Variants in TRPM3 observed in about 807,000 individuals in gnomAD.
TRPM3 encodes transient receptor potential cation channel subfamily M member 3, also known as long transient receptor potential channel 3.
In TRPM3, 77 loss-of-function variants were observed where a neutral mutation model predicts 181.2. The observed-to-expected ratio is 0.42, with a 90% CI of 0.35 to 0.51. TRPM3 has a LOEUF of 0.51. Among genes scored for constraint, TRPM3 ranks in the 20% least tolerant of loss-of-function variants. TRPM3 has a pLI of 0.01. For synonymous variants in TRPM3, 745 were observed against 796.4 expected, an observed-to-expected ratio of 0.94 and a Z score of 1.09; for missense variants, 1,759 against 2,196.7, an observed-to-expected ratio of 0.80 and a Z score of 3.98.
chr9:71,126,832 G>A (rs1033453338), intron 1 of TRPM3, among the ~76,000 whole-genome samples: 7 of 152,164 alleles, frequency 4.6e-5, no homozygotes, highest in African/African-American at 1.4e-4. Flanking sequence ...GAGAGTGGGT[G>A]AGTTTTTCAG....
At chr9:71,135,790 A>C (rs578139382) in intron 1 of TRPM3, among the ~76,000 whole-genome samples, 286 of 152,164 alleles carry the variant, frequency 1.9e-3, no homozygotes, top group African/African-American at 6.3e-3. Context: ...GGCAAAAAAA[A>C]CCCCCAGCAA....
At chr9:71,188,216 C>G (rs774289133) in intron 1 of TRPM3, among the ~76,000 whole-genome samples, 3 of 151,864 alleles carry the variant, frequency 2.0e-5, no homozygotes, top group Middle Eastern at 3.2e-3. Flanking sequence ...AAAGACTGCA[C>G]CAATTTATAC....
At chr9:71,381,999 T>C (rs1346737716) in intron 1 of TRPM3, among the ~76,000 whole-genome samples, 2 of 152,120 alleles carry the variant, frequency 1.3e-5, no homozygotes, top group African/African-American at 2.4e-5. Context: ...CTGTATACTG[T>C]GGTATATGCC....
intron 1 of TRPM3, among the ~76,000 whole-genome samples, chr9:70,871,229 A>G (rs1186235315): frequency 6.6e-6 from 1 of 151,994 alleles, no homozygotes; most frequent in Non-Finnish European, 1.5e-5. Context: ...CTGTGAGACT[A>G]AATAAATTGA....
chr9:70,943,253 C>T (rs938098643), intron 1 of TRPM3, among the ~76,000 whole-genome samples: 4 of 152,082 alleles, frequency 2.6e-5, no homozygotes, highest in Non-Finnish European at 5.9e-5. Flanking sequence ...TGTATAGAAC[C>T]TTCTACACAG....
chr9:70,827,997 T>C lies in TRPM3; in HGVS notation c.823A>G (p.Met275Val), dbSNP rs1335781720. The C allele has an allele frequency of 1.9e-6, 3 of 1,613,642 alleles. No individual in the cohort carries two copies. Among genetic ancestry groups the C allele is most frequent in the East Asian group, 2.2e-5 (1 of 44,870 alleles). ...GTGAGCTTGCTCATGGGATTGGACA[T>C]GGTCTGGTATGGCCGGACAACCTGC... ...GRDVVRPYQT[M>V]SNPMSKLTVL... The change falls in exon 6 of 26, where the codon ATG (methionine) becomes GTG (valine). Residue 275 changes from methionine (M) to valine (V), a missense_variant. Met to Val is a conservative substitution (Grantham distance 21). Around this residue, in one of 8 missense-constraint regions of TRPM3, gnomAD observed 737 missense variants for 957.4 expected, o/e 0.77. Transcript: ENST00000677713.
At chr9:71,162,490 C>G (rs972876247) in intron 1 of TRPM3, among the ~76,000 whole-genome samples, 4 of 151,916 alleles carry the variant, frequency 2.6e-5, no homozygotes, top group Non-Finnish European at 5.9e-5. Flanking sequence ...AATGGGTATA[C>G]TTTATTTTAC....
At chr9:70,806,996 C>G (rs1005376298) in intron 6 of TRPM3, among the ~76,000 whole-genome samples, 2 of 152,150 alleles carry the variant, frequency 1.3e-5, no homozygotes, top group African/African-American at 4.8e-5. Context: ...TCTTTAAGAT[C>G]CCCAGGGAAT....
rs187564106 is a variant in TRPM3 at position 70,902,691 on chromosome 9, C to T, written c.178-38180G>A. 2.8e-3 allele frequency among the ~76,000 whole-genome samples: 419 copies of T among 152,250 alleles called. 3 individuals are homozygous for T. Among genetic ancestry groups the T allele is most frequent in the African/African-American group, 9.4e-3 (392 of 41,538 alleles). On this transcript the variant is annotated intron_variant, in intron 1 of 25. Transcript: ENST00000677713. ...TTAGTTCTTAAGGACATATCCAGTCCCAGGCACTGCATTAGGTACTGGGGA... is the reference window on the plus strand; with the variant it reads ...TTAGTTCTTAAGGACATATCCAGTCTCAGGCACTGCATTAGGTACTGGGGA...
chr9:71,051,855 G>T (rs1056813993), intron 1 of TRPM3, among the ~76,000 whole-genome samples: 2 of 152,058 alleles, frequency 1.3e-5, no homozygotes, highest in Non-Finnish European at 2.9e-5. Context: ...TCTGAAATCA[G>T]AATAGCCCAG....
At chr9:71,340,327 T>C (rs1354209219) in intron 1 of TRPM3, among the ~76,000 whole-genome samples, 1 of 152,024 alleles carries the variant, frequency 6.6e-6, no homozygotes, top group African/African-American at 2.4e-5. Context: ...AATACAGAGA[T>C]CAGTATGTGT....
intron 1 of TRPM3, among the ~76,000 whole-genome samples, chr9:71,107,849 C>T (rs929236799): frequency 1.3e-5 from 2 of 152,022 alleles, no homozygotes; most frequent in African/African-American, 2.4e-5. Context: ...ATTTTTTACC[C>T]CATATTTAGT....
intron 1 of TRPM3, among the ~76,000 whole-genome samples, chr9:71,249,263 C>A (rs1324803009): frequency 6.6e-6 from 1 of 151,984 alleles, no homozygotes; most frequent in African/African-American, 2.4e-5. Flanking sequence ...AATTACTAGC[C>A]CTTAAGAAAA....
At chr9:70,912,899 C>A (rs2133170695) in intron 1 of TRPM3, among the ~76,000 whole-genome samples, 1 of 152,240 alleles carries the variant, frequency 6.6e-6, no homozygotes, top group South Asian at 2.1e-4. Context: ...GCTTAACATG[C>A]ATATATAAAC....
chr9:71,401,075 G>A (rs1424304387), intron 1 of TRPM3, among the ~76,000 whole-genome samples: 4 of 151,516 alleles, frequency 2.6e-5, no homozygotes, highest in Non-Finnish European at 5.9e-5. Context: ...GCATATGTCT[G>A]TAGTCCCAGC....
chr9:71,256,720 G>C (rs1337389880), intron 1 of TRPM3, among the ~76,000 whole-genome samples: 1 of 152,074 alleles, frequency 6.6e-6, no homozygotes, highest in Non-Finnish European at 1.5e-5. Context: ...AAAACAAAAG[G>C]TATCTGCAAG....
At chr9:71,046,379 A>G (rs794292) in intron 1 of TRPM3, among the ~76,000 whole-genome samples, 35,631 of 152,130 alleles carry the variant, frequency 0.23, 4,957 homozygotes, top group East Asian at 0.41. Context: ...ACATCGCATG[A>G]ATAACTCTTC....
chr9:70,680,233 C>A (rs897494588), intron 9 of TRPM3, among the ~76,000 whole-genome samples: 2 of 152,150 alleles, frequency 1.3e-5, no homozygotes. Context: ...TACTTAACTT[C>A]CTGTAGCTCA....
intron 1 of TRPM3, among the ~76,000 whole-genome samples, chr9:70,971,644 G>GA (rs2097248406): frequency 6.6e-6 from 1 of 152,062 alleles, no homozygotes; most frequent in East Asian, 1.9e-4. Context: ...TGTGCTCTAT[G>GA]AAAAAATGAG....
Sources: gnomAD v4.1 joint callset for allele counts (sites outside exome capture counted in the v4.1 genomes callset) on GRCh38, gnomAD v4.1.1 for gene constraint, gnomAD v4.1.1 regional missense constraint, MANE v1.5 for transcripts, NCBI Gene and HGNC (gene_info 2026-07-23, HGNC 2026-07-21) for gene names.